The following SORCS3 variants were observed in gnomAD, a reference collection of about 807,000 sequenced individuals.
SORCS3 encodes the protein sortilin related VPS10 domain containing receptor 3.
A neutral mutation model predicts 146.3 loss-of-function variants in SORCS3; 57 were observed. That is an observed-to-expected ratio of 0.39 (90% CI 0.31 to 0.49). The LOEUF (loss-of-function observed/expected upper bound fraction) is 0.49, where lower values mean the gene tolerates loss of function less well. Among genes scored for constraint, SORCS3 ranks in the 20% least tolerant of loss-of-function variants. The probability of loss-of-function intolerance (pLI) is 0.92; values close to 1 mark genes in which losing one functional copy is unlikely to be tolerated. For synonymous variants in SORCS3, 653 were observed against 618.5 expected, an observed-to-expected ratio of 1.06 and a Z score of -0.83; for missense variants, 1,341 against 1,575.5, an observed-to-expected ratio of 0.85 and a Z score of 2.52.
intron 19 of SORCS3, 95 bp downstream of exon 19, chr10:105,217,217 A>G: frequency 1.6e-6 from 2 of 1,251,310 alleles, no homozygotes; most frequent in Non-Finnish European, 2.3e-6. Flanking sequence ...GCCCAGGTTC[A>G]GTGTGACTAC....
intron 5 of SORCS3, among the ~76,000 whole-genome samples, chr10:105,043,942 C>T (rs1431030127): frequency 6.6e-6 from 1 of 152,104 alleles, no homozygotes; most frequent in African/African-American, 2.4e-5. Flanking sequence ...GCCTTTTACA[C>T]TTGCTTGCTA....
intron 7 of SORCS3, among the ~76,000 whole-genome samples, chr10:105,115,013 T>C (rs564164427): frequency 5.6e-4 from 85 of 152,222 alleles, no homozygotes; most frequent in African/African-American, 2.0e-3. Flanking sequence ...CAAGTATTGG[T>C]AGCCAATTAA....
intron 1 of SORCS3, among the ~76,000 whole-genome samples, chr10:104,792,839 T>G (rs1342296625): frequency 1.3e-5 from 2 of 152,186 alleles, no homozygotes; most frequent in African/African-American, 2.4e-5. Context: ...GGGAGTCTCA[T>G]TCTTCCTCCC....
chr10:104,644,427 T>G (rs921916930), intron 1 of SORCS3, among the ~76,000 whole-genome samples: 1 of 152,232 alleles, frequency 6.6e-6, no homozygotes, highest in Non-Finnish European at 1.5e-5. Flanking sequence ...CATGGCCCTG[T>G]CTTTGAGACT....
intron 1 of SORCS3, among the ~76,000 whole-genome samples, chr10:104,784,781 A>G (rs1041465826): frequency 6.6e-6 from 1 of 152,190 alleles, no homozygotes; most frequent in Non-Finnish European, 1.5e-5. Context: ...CTGTTTTCCT[A>G]GCTTGTAGAT....
intron 22 of SORCS3, 95 bp downstream of exon 22, chr10:105,247,426 T>A: frequency 3.1e-6 from 2 of 636,048 alleles, no homozygotes; most frequent in Admixed American, 2.8e-5. Context: ...GAAACTGCAT[T>A]CCACAGTTAA....
In SORCS3 at chr10:105,105,501, T is replaced by C. The variant is rs750012596; in HGVS notation, c.1198T>C (p.Tyr400His). ...CAGTTCCCTGGTTGTCCAGGATGAA[T>C]ATATCTTCATTCAGGTGAGTACAGA... ...DISSLVVQDE[Y>H]IFIQVTTSGR... Residue 400 changes from tyrosine (Y) to histidine (H), a missense_variant, in exon 7 of 27, where the codon TAT becomes CAT. Transcript: ENST00000369701. The C allele has an allele frequency of 6.2e-7, 1 of 1,609,650 alleles. No homozygotes were observed. Among genetic ancestry groups the C allele is most frequent in the Non-Finnish European group, 8.5e-7 (1 of 1,176,006 alleles).
intron 1 of SORCS3, among the ~76,000 whole-genome samples, chr10:104,707,747 T>G (rs1405219292): frequency 6.6e-6 from 1 of 152,200 alleles, no homozygotes; most frequent in Non-Finnish European, 1.5e-5. Context: ...GAGAGCTAGT[T>G]AAAATGTATC....
At chr10:104,811,966 A>G (rs1409635123) in intron 1 of SORCS3, among the ~76,000 whole-genome samples, 3 of 152,232 alleles carry the variant, frequency 2.0e-5, no homozygotes, top group African/African-American at 7.2e-5. Flanking sequence ...TAATGAAATT[A>G]TACGTGTGCC....
At chr10:104,684,976 C>A (rs2016027985) in intron 1 of SORCS3, among the ~76,000 whole-genome samples, 1 of 151,712 alleles carries the variant, frequency 6.6e-6, no homozygotes, top group Admixed American at 6.6e-5. Flanking sequence ...TATCACCACA[C>A]CTGGCTAATT....
chr10:104,783,740 A>G (rs2017400983), intron 1 of SORCS3, among the ~76,000 whole-genome samples: 2 of 152,166 alleles, frequency 1.3e-5, no homozygotes, highest in African/African-American at 2.4e-5. Flanking sequence ...AAAGAGAGAG[A>G]GAGAGAAAAA....
At chr10:105,260,237 T>G (rs1342268681) in intron 25 of SORCS3, among the ~76,000 whole-genome samples, 1 of 152,206 alleles carries the variant, frequency 6.6e-6, no homozygotes, top group Non-Finnish European at 1.5e-5. Flanking sequence ...CAGTTGACTC[T>G]GGTTACAACT....
chr10:105,191,245 CA>C (rs1452209960), intron 14 of SORCS3, among the ~76,000 whole-genome samples: 1 of 144,726 alleles, frequency 6.9e-6, no homozygotes, highest in Non-Finnish European at 1.5e-5. Context: ...GGGTCATACC[CA>C]AAATACAGAT....
intron 5 of SORCS3, among the ~76,000 whole-genome samples, chr10:105,045,834 A>G (rs2055368344): frequency 6.6e-6 from 1 of 152,080 alleles, no homozygotes; most frequent in Non-Finnish European, 1.5e-5. Flanking sequence ...TTTAAGTACT[A>G]TGTTTATTAC....
In SORCS3 at chr10:105,104,147, T is replaced by A. The variant is rs564681244; in HGVS notation, c.1094-1250T>A. Among the ~76,000 whole-genome samples the A allele has an allele frequency of 2.0e-5, 3 of 152,318 alleles. No individual in the cohort carries two copies. The South Asian group carries it at 6.2e-4, about 32-fold the overall frequency. On this transcript the variant is annotated intron_variant, in intron 6 of 26. Coordinates refer to ENST00000369701, the MANE Select transcript of SORCS3 (RefSeq NM_014978.3). ...TTCCTTCTCTGTAGCCCCTGACACCTCTGCACACATATGTGCACATACAAG... is the reference window on the plus strand; with the variant it reads ...TTCCTTCTCTGTAGCCCCTGACACCACTGCACACATATGTGCACATACAAG...
At chr10:105,258,870 C>T (rs200793622) in intron 25 of SORCS3, among the ~76,000 whole-genome samples, 1 of 152,308 alleles carries the variant, frequency 6.6e-6, no homozygotes, top group East Asian at 1.9e-4. Context: ...ACAATAGCAG[C>T]ATCAGTTAAC....
intron 2 of SORCS3, among the ~76,000 whole-genome samples, chr10:104,892,618 G>A (rs2018759753): frequency 6.6e-6 from 1 of 152,130 alleles, no homozygotes; most frequent in Non-Finnish European, 1.5e-5. Flanking sequence ...AGCTGCTTGG[G>A]AGGCTGAGAC....
chr10:104,683,338 C>T (rs572972117), intron 1 of SORCS3, among the ~76,000 whole-genome samples: 2 of 152,194 alleles, frequency 1.3e-5, no homozygotes, highest in Non-Finnish European at 2.9e-5. Context: ...GCCCAAGACT[C>T]CACGTACTTT....
chr10:105,139,537 T>C, intron 8 of SORCS3, 51 bp downstream of exon 8: 1 of 1,402,864 alleles, frequency 7.1e-7, no homozygotes, highest in South Asian at 1.2e-5. Context: ...AAAGGGAGGG[T>C]TGGAGAGGCT....
Sources: allele counts gnomAD v4.1 joint callset (sites outside exome capture counted in the v4.1 genomes callset), GRCh38; gene constraint gnomAD v4.1.1; transcripts MANE v1.5; gene names NCBI Gene and HGNC (gene_info 2026-07-23, HGNC 2026-07-21).